The following RAPGEF6 variants were observed in gnomAD, a reference collection of about 807,000 sequenced individuals.
RAPGEF6 encodes the protein PDZ domain containing guanine nucleotide exchange factor (GEF) 2.
RAPGEF6 carries 56 observed loss-of-function variants against 171.4 expected under a neutral mutation model. That is an observed-to-expected ratio of 0.33 (90% confidence interval 0.26 to 0.41). The LOEUF is 0.41. RAPGEF6 is among the 10% of genes least tolerant of loss of function. The pLI, the probability that RAPGEF6 is intolerant of heterozygous loss-of-function variation, is 1.00. For missense variants in RAPGEF6, 1,674 were observed against 1,921.4 expected, an observed-to-expected ratio of 0.87 and a Z score of 2.41; for synonymous variants, 692 against 650.1, an observed-to-expected ratio of 1.06 and a Z score of -0.98.
intron 6 of RAPGEF6, among the ~76,000 whole-genome samples, chr5:131,545,259 A>T (rs1760442042): frequency 6.6e-6 from 1 of 152,202 alleles, no homozygotes; most frequent in Admixed American, 6.5e-5. Context: ...TAGTTAAAAA[A>T]TAACTAAAAT....
chr5:131,561,321 G>T (rs1057018646), intron 5 of RAPGEF6, among the ~76,000 whole-genome samples: 1 of 152,028 alleles, frequency 6.6e-6, no homozygotes. Context: ...ACAGACTATA[G>T]AATTCAAAGT....
intron 1 of RAPGEF6, among the ~76,000 whole-genome samples, chr5:131,616,934 A>G (rs1454334330): frequency 6.6e-6 from 1 of 152,204 alleles, no homozygotes; most frequent in Non-Finnish European, 1.5e-5. Flanking sequence ...AAACATCATT[A>G]TCCAAAACTT....
chr5:131,533,960 C>T (rs1428947240), intron 6 of RAPGEF6, among the ~76,000 whole-genome samples: 1 of 152,122 alleles, frequency 6.6e-6, no homozygotes, highest in South Asian at 2.1e-4. Context: ...CCTTGTTCTT[C>T]ATGCTTCTGC....
Position 131,431,068 on chromosome 5 carries a change from C to T in RAPGEF6, c.4256G>A (p.Arg1419Lys). 2 of 1,614,182 alleles carry T rather than the reference C, an allele frequency of 1.2e-6. No homozygotes were observed. The highest frequency in any genetic ancestry group is 1.7e-6 in the Non-Finnish European group (2 of 1,180,032). The change falls in exon 26 of 28, where the codon AGA (arginine) becomes AAA (lysine). Residue 1419 changes from arginine to lysine, a missense_variant. By Grantham distance (26) the Arg-to-Lys change is conservative. Around this residue, in one of 3 missense-constraint regions of RAPGEF6, gnomAD observed 552 missense variants for 574.2 expected, o/e 0.96. Coordinates refer to ENST00000509018, the MANE Select transcript of RAPGEF6 (RefSeq NM_016340.6). ...GCTTCCTTTACACTGCCCACAAGTT[C>T]TAGAGCAGCTTTTAGAACAGGAATA... is the stretch of plus-strand genomic sequence containing the variant. ...EPYSCSKSCS[R>K]TCGQCKGSLE...
rs535679109 is a variant in RAPGEF6 at position 131,573,767 on chromosome 5, G to A, written c.282-11720C>T. Among the ~76,000 whole-genome samples, 6 of 152,200 alleles carry A rather than the reference G, an allele frequency of 3.9e-5. No individual in the cohort carries two copies. The East Asian group carries it at 1.2e-3, about 29-fold the overall frequency. On this transcript the variant is annotated intron_variant, in intron 4 of 27. Coordinates refer to ENST00000509018, the MANE Select transcript of RAPGEF6 (RefSeq NM_016340.6). ...AAAGGAAACTACCCACGGTAAAGATGAAAACCCAGCCCAGTTCATGGCCCA... is the reference window on the plus strand; with the variant it reads ...AAAGGAAACTACCCACGGTAAAGATAAAAACCCAGCCCAGTTCATGGCCCA...
At chr5:131,461,340 T>C (rs1753917656) in intron 19 of RAPGEF6, among the ~76,000 whole-genome samples, 1 of 147,066 alleles carries the variant, frequency 6.8e-6, no homozygotes, top group African/African-American at 2.5e-5. Context: ...AGTCAAATCA[T>C]AGTGAGGCAG....
intron 17 of RAPGEF6, 80 bp downstream of exon 17, chr5:131,472,507 G>GC (rs1278966444): frequency 2.0e-6 from 3 of 1,470,288 alleles, no homozygotes; most frequent in Non-Finnish European, 2.8e-6. Context: ...AGTAACTCTA[G>GC]CACTTGCTGC....
intron 1 of RAPGEF6, among the ~76,000 whole-genome samples, chr5:131,616,552 C>T (rs1765276009): frequency 6.6e-6 from 1 of 152,128 alleles, no homozygotes; most frequent in South Asian, 2.1e-4. Context: ...AACTGGGATG[C>T]TTAAAAAATT....
rs564296465 is a variant in RAPGEF6, at chr5:131,527,831, C to T, written c.496-6310G>A. 3.6e-4 allele frequency among the ~76,000 whole-genome samples: 54 copies of T among 151,376 alleles called. 2 individuals carry two copies. In the South Asian group the frequency reaches 9.3e-3, roughly 26 times the overall value. On this transcript the variant is annotated intron_variant, in intron 6 of 27. Transcript: ENST00000509018. Reference sequence around the variant, plus strand: ...GAGATCGAGACCATCCTGGCTAACACGGTGAAACCCTGTCTCTACTAAAAA... The same window carrying T: ...GAGATCGAGACCATCCTGGCTAACATGGTGAAACCCTGTCTCTACTAAAAA...
At chr5:131,599,890 A>G (rs1244894462) in intron 3 of RAPGEF6, among the ~76,000 whole-genome samples, 1 of 152,240 alleles carries the variant, frequency 6.6e-6, no homozygotes. Context: ...TGATTTATTC[A>G]ATGTGCAAGA....
intron 16 of RAPGEF6, among the ~76,000 whole-genome samples, chr5:131,476,798 CTGG>C (rs1755128223): frequency 5.3e-5 from 8 of 152,186 alleles, no homozygotes; most frequent in Non-Finnish European, 7.4e-5. Context: ...TCCCAAAGTG[CTGG>C]GATAACAGGC....
At chr5:131,512,778 C>T (rs535270160) in intron 7 of RAPGEF6, among the ~76,000 whole-genome samples, 9 of 152,252 alleles carry the variant, frequency 5.9e-5, no homozygotes, top group East Asian at 1.9e-4. Flanking sequence ...AGAACTCTCA[C>T]GAATGGGATT....
chr5:131,546,615 AT>A (rs1438484067), intron 6 of RAPGEF6, among the ~76,000 whole-genome samples: 77 of 152,110 alleles, frequency 5.1e-4, no homozygotes, highest in African/African-American at 1.6e-3. Context: ...AAAAAAAAAA[AT>A]AAATAAATAA....
At chr5:131,511,608 C>T (rs1162732538) in intron 7 of RAPGEF6, among the ~76,000 whole-genome samples, 1 of 151,522 alleles carries the variant, frequency 6.6e-6, no homozygotes, top group Non-Finnish European at 1.5e-5. Flanking sequence ...GAAATCCTCT[C>T]TCCTGAACGC....
intron 1 of RAPGEF6, among the ~76,000 whole-genome samples, chr5:131,624,861 G>A (rs376710813): frequency 6.6e-6 from 1 of 152,104 alleles, no homozygotes; most frequent in Admixed American, 6.6e-5. Flanking sequence ...AGTTGCTCAC[G>A]CCTGTAATCC....
chr5:131,614,555 C>G (rs900517775), intron 1 of RAPGEF6, among the ~76,000 whole-genome samples: 4 of 152,160 alleles, frequency 2.6e-5, no homozygotes, highest in Admixed American at 6.5e-5. Context: ...CTCACCATCA[C>G]GAGAACAGCA....
At chr5:131,543,887 C>A (rs892194557) in intron 6 of RAPGEF6, among the ~76,000 whole-genome samples, 6 of 152,046 alleles carry the variant, frequency 3.9e-5, no homozygotes, top group African/African-American at 1.4e-4. Context: ...TTGTTGCAAA[C>A]TTTAAAAATA....
At chr5:131,580,386 G>A (rs1762879184) in intron 4 of RAPGEF6, among the ~76,000 whole-genome samples, 1 of 152,106 alleles carries the variant, frequency 6.6e-6, no homozygotes, top group African/African-American at 2.4e-5. Context: ...CGAGCGCTGA[G>A]CGCAGCCCCT....
intron 16 of RAPGEF6, among the ~76,000 whole-genome samples, chr5:131,476,060 A>G (rs1755070312): frequency 6.6e-6 from 1 of 152,216 alleles, no homozygotes; most frequent in South Asian, 2.1e-4. Flanking sequence ...GAAGGAAGGG[A>G]AAAATTACCT....
Sources: allele counts gnomAD v4.1 joint callset (sites outside exome capture counted in the v4.1 genomes callset), GRCh38; gene constraint gnomAD v4.1.1; regional missense constraint gnomAD v4.1.1; transcripts MANE v1.5; gene names NCBI Gene and HGNC (gene_info 2026-07-23, HGNC 2026-07-21).